CFAP299: variants seen among roughly 807,000 people sequenced by gnomAD.
CFAP299 encodes cilia and flagella associated protein 299.
Under a neutral mutation model 27.0 loss-of-function variants are expected in CFAP299, and 21 were observed. The observed-to-expected ratio is 0.78, with a 90% CI of 0.55 to 1.12. CFAP299 has a LOEUF of 1.12. Among genes scored for constraint, CFAP299 ranks in the 50% most tolerant of loss-of-function variants. CFAP299 has a pLI of 0.00. For missense variants in CFAP299, 310 were observed against 276.6 expected (o/e 1.12, Z -0.86); for synonymous variants, 104 against 98.1 (o/e 1.06, Z -0.36).
intron 2 of CFAP299, among the ~76,000 whole-genome samples, chr4:80,505,168 G>A (rs1249310748): frequency 6.6e-6 from 1 of 151,384 alleles, no homozygotes; most frequent in Non-Finnish European, 1.5e-5. Flanking sequence ...TAAAATAGGG[G>A]GGATGAACAT....
intron 4 of CFAP299, among the ~76,000 whole-genome samples, chr4:80,893,004 T>C (rs968741463): frequency 5.9e-5 from 9 of 151,828 alleles, no homozygotes; most frequent in Non-Finnish European, 1.3e-4. Flanking sequence ...AGAAAATTAA[T>C]GTTAGAGCAA....
intron 4 of CFAP299, among the ~76,000 whole-genome samples, chr4:80,941,335 A>C (rs1005729928): frequency 6.6e-6 from 1 of 152,192 alleles, no homozygotes; most frequent in Non-Finnish European, 1.5e-5. Flanking sequence ...ACACTACCAG[A>C]AATTTGCCAT....
At chr4:80,449,603 C>T (rs1026469314) in intron 2 of CFAP299, among the ~76,000 whole-genome samples, 10 of 151,466 alleles carry the variant, frequency 6.6e-5, no homozygotes, top group African/African-American at 1.9e-4. Context: ...TCTTAAAAAA[C>T]GTTTTAAATT....
chr4:80,408,034 T>C (rs1726521396), intron 2 of CFAP299, among the ~76,000 whole-genome samples: 1 of 152,174 alleles, frequency 6.6e-6, no homozygotes, highest in South Asian at 2.1e-4. Flanking sequence ...TACCATAGAG[T>C]CTCACATTTT....
chr4:80,809,425 ACTTTTT>A (rs1255977261), intron 3 of CFAP299, among the ~76,000 whole-genome samples: 1 of 152,126 alleles, frequency 6.6e-6, no homozygotes, highest in Non-Finnish European at 1.5e-5. Context: ...GATGTTTTAT[ACTTTTT>A]CTTAATGGCT....
chr4:80,517,153 T>C (rs1015612719), intron 2 of CFAP299, among the ~76,000 whole-genome samples: 6 of 152,146 alleles, frequency 3.9e-5, no homozygotes, highest in Non-Finnish European at 8.8e-5. Flanking sequence ...CACAGTTTGT[T>C]GAGGAGTAAA....
Position 80,683,319 on chromosome 4 carries a change from A to G in CFAP299, c.333+100136A>G, listed in dbSNP as rs555128047. ...AGTTCTTAAATCTCTAAAGGTTCTTATGCTTCTTGTTAACAAAATCTAGTG... is the reference window on the plus strand; with the variant it reads ...AGTTCTTAAATCTCTAAAGGTTCTTGTGCTTCTTGTTAACAAAATCTAGTG... On this transcript the variant is annotated intron_variant, in intron 3 of 5. Transcript: ENST00000358105. Among the ~76,000 whole-genome samples the G allele has an allele frequency of 3.9e-5, 6 of 152,304 alleles. No individual in the cohort carries two copies. The East Asian group carries it at 7.7e-4, about 20-fold the overall frequency.
At chr4:80,390,816 CAT>C (rs756466356) in intron 2 of CFAP299, among the ~76,000 whole-genome samples, 10 of 129,358 alleles carry the variant, frequency 7.7e-5, no homozygotes, top group Non-Finnish European at 1.5e-4. Flanking sequence ...TGTATACACA[CAT>C]ATATGTATAT....
chr4:80,800,012 G>GTAATATATATTATATATAATATATAA (rs1728316345), intron 3 of CFAP299, among the ~76,000 whole-genome samples: 3 of 50,278 alleles, frequency 6.0e-5, no homozygotes, highest in Non-Finnish European at 9.8e-5. Context: ...TATATAATAA[G>GTAATATATATTATATATAATATATAA]TAATATATAT....
chr4:80,541,914 C>G (rs950200299), intron 2 of CFAP299, among the ~76,000 whole-genome samples: 1 of 150,658 alleles, frequency 6.6e-6, no homozygotes, highest in African/African-American at 2.4e-5. Context: ...CGTGCATGAA[C>G]AAAGGTATCA....
chr4:80,461,193 C>A (rs946042990), intron 2 of CFAP299, among the ~76,000 whole-genome samples: 4 of 151,952 alleles, frequency 2.6e-5, no homozygotes, highest in African/African-American at 7.3e-5. Context: ...AGGTAGCAGG[C>A]GTTAGAGCTC....
chr4:80,935,508 T>G (rs1736845121), intron 4 of CFAP299, among the ~76,000 whole-genome samples: 1 of 152,072 alleles, frequency 6.6e-6, no homozygotes, highest in South Asian at 2.1e-4. Flanking sequence ...CTGGGATAAC[T>G]GGTTAGCGAT....
intron 2 of CFAP299, among the ~76,000 whole-genome samples, chr4:80,563,963 C>T (rs1735161667): frequency 6.6e-6 from 1 of 151,972 alleles, no homozygotes; most frequent in Non-Finnish European, 1.5e-5. Context: ...TAGATACATA[C>T]AACCAGCCAA....
intron 2 of CFAP299, among the ~76,000 whole-genome samples, chr4:80,434,123 C>T (rs968966102): frequency 2.0e-5 from 3 of 152,064 alleles, no homozygotes; most frequent in Non-Finnish European, 4.4e-5. Flanking sequence ...TAAAAATATT[C>T]TATAAACATC....
intron 3 of CFAP299, chr4:80,790,524 A>T (rs1364491377): frequency 6.6e-6 from 1 of 152,018 alleles, no homozygotes; most frequent in Non-Finnish European, 1.5e-5. Flanking sequence ...TGGAACCCCC[A>T]TGAATGAGAT....
chr4:80,646,204 C>G (rs1035730689), intron 3 of CFAP299, among the ~76,000 whole-genome samples: 7 of 152,118 alleles, frequency 4.6e-5, no homozygotes, highest in Admixed American at 4.6e-4. Flanking sequence ...TGTTCTACAT[C>G]TGTATTAGAG....
rs550943734 is a variant in CFAP299 at position 80,645,972 on chromosome 4, G to A, written c.333+62789G>A. Among the ~76,000 whole-genome samples the A allele has an allele frequency of 5.3e-5, 8 of 152,278 alleles. No individual in the cohort carries two copies. In the South Asian group the frequency reaches 6.2e-4, roughly 12 times the overall value. On this transcript the variant is annotated intron_variant, in intron 3 of 5. Coordinates refer to ENST00000358105, the MANE Select transcript of CFAP299 (RefSeq NM_152770.3). ...GCTGTGACTGAATTTCTCTCAGTTT[G>A]AAAAATTTGACATTTAGCATAATCT...
At chr4:80,677,010 T>G (rs1160744970) in intron 3 of CFAP299, among the ~76,000 whole-genome samples, 2 of 152,116 alleles carry the variant, frequency 1.3e-5, no homozygotes, top group Non-Finnish European at 2.9e-5. Flanking sequence ...GTTCTTGCTT[T>G]TCTAAATTCT....
intron 2 of CFAP299, among the ~76,000 whole-genome samples, chr4:80,542,049 G>A (rs1375796606): frequency 1.3e-5 from 2 of 151,974 alleles, no homozygotes; most frequent in Non-Finnish European, 2.9e-5. Context: ...TGCTTGTTGA[G>A]TCTGCTCACT....
Sources: gnomAD v4.1 joint callset for allele counts (sites outside exome capture counted in the v4.1 genomes callset) on GRCh38, gnomAD v4.1.1 for gene constraint, MANE v1.5 for transcripts, NCBI Gene and HGNC (gene_info 2026-07-23, HGNC 2026-07-21) for gene names.